ARG2: variants seen among roughly 807,000 people sequenced by gnomAD.
ARG2 encodes arginase-2, mitochondrial.
A neutral mutation model predicts 39.4 loss-of-function variants in ARG2; 21 were observed. That is an observed-to-expected ratio of 0.53 (90% CI 0.38 to 0.77). The LOEUF is 0.77. ARG2 is among the 30% of genes least tolerant of loss of function. The pLI is 0.00. For synonymous variants in ARG2, 150 were observed against 156.7 expected, an observed-to-expected ratio of 0.96 and a Z score of 0.32; for missense variants, 378 against 426.2, an observed-to-expected ratio of 0.89 and a Z score of 1.00.
intron 2 of ARG2, among the ~76,000 whole-genome samples, chr14:67,626,775 T>C (rs2036870985): frequency 6.6e-6 from 1 of 152,254 alleles, no homozygotes; most frequent in Non-Finnish European, 1.5e-5. Flanking sequence ...CAAACTTATA[T>C]ACAAATATTC....
Position 67,651,622 on chromosome 14 carries a change from A to G in ARG2, c.*702A>G. On this transcript the variant is annotated 3_prime_UTR_variant, in exon 8 of 8. Transcript: ENST00000261783. Reference sequence around the variant, plus strand: ...CACAGCCACTTAGCAGGAAGTACTCATAAGGTTCTTTAGCTGTCACTTAGG... The same window carrying G: ...CACAGCCACTTAGCAGGAAGTACTCGTAAGGTTCTTTAGCTGTCACTTAGG... The G allele has an allele frequency of 1.1e-6, 1 of 885,948 alleles. No homozygotes were observed. The highest frequency in any genetic ancestry group is 1.7e-6 in the Non-Finnish European group (1 of 600,830). The allele number at this position is 885,948 out of a possible 1,614,324, so 54.9% of individuals were successfully genotyped here. A position where few individuals can be genotyped will look rare whatever the true frequency, so the allele number is the denominator to read the frequency against.
At position 67,619,955 on chromosome 14, in the gene ARG2, G is replaced by C; in HGVS notation, c.-23G>C. Reference sequence around the variant, plus strand: ...TCCAACCGCGCGGAGCCTCTGCCTTGGAGATTCTCAGTGCTGCGGATCATG... The same window carrying C: ...TCCAACCGCGCGGAGCCTCTGCCTTCGAGATTCTCAGTGCTGCGGATCATG... On this transcript the variant is annotated 5_prime_UTR_variant, in exon 1 of 8. Transcript: ENST00000261783. The C allele has an allele frequency of 6.5e-7, 1 of 1,527,342 alleles. No homozygotes were observed. The allele number at this position is 1,527,342 out of a possible 1,614,324, so 94.6% of individuals were successfully genotyped here.
intron 2 of ARG2, among the ~76,000 whole-genome samples, chr14:67,631,901 G>T (rs113705898): frequency 0.016 from 2,403 of 152,186 alleles, 72 homozygotes; most frequent in African/African-American, 0.054. Context: ...TTGAGACAGG[G>T]TCTTGCTCTG....
intron 6 of ARG2, 70 bp from the exon 7 acceptor site, chr14:67,647,974 TAAG>T: frequency 7.0e-7 from 1 of 1,422,064 alleles, no homozygotes; most frequent in Non-Finnish European, 9.6e-7. Context: ...GTTGCAACCA[TAAG>T]AAGGATGAGT....
chr14:67,624,299 A>G (rs1594821570), intron 2 of ARG2, among the ~76,000 whole-genome samples: 2 of 152,328 alleles, frequency 1.3e-5, no homozygotes, highest in East Asian at 3.9e-4. Context: ...AATACTGTAT[A>G]GTGACACCAT....
chr14:67,648,818 C>T (rs1488758483), intron 7 of ARG2: 1 of 152,194 alleles, frequency 6.6e-6, no homozygotes, highest in Non-Finnish European at 1.5e-5. Flanking sequence ...TTTAAAGCTA[C>T]TTCAAATGAC....
intron 7 of ARG2, chr14:67,648,440 GAATA>G (rs1408904208): frequency 3.2e-6 from 1 of 312,580 alleles, no homozygotes; most frequent in African/African-American, 2.1e-5. Flanking sequence ...TTAAATACAA[GAATA>G]AATTGTCAAA....
At chr14:67,620,791 T>C in intron 1 of ARG2, 103 bp from the exon 2 acceptor site, 1 of 1,083,630 alleles carries the variant, frequency 9.2e-7, no homozygotes, top group South Asian at 1.3e-5. Flanking sequence ...GGGCTGATGC[T>C]GTCACAGGTT....
chr14:67,647,867 A>G (rs1318080677), intron 6 of ARG2, 180 bp from the exon 7 acceptor site: 6 of 634,912 alleles, frequency 9.5e-6, no homozygotes, highest in African/African-American at 1.8e-5. Context: ...GGAAGTTAAT[A>G]TTGCCAATCT....
intron 2 of ARG2, 29 bp downstream of exon 2, chr14:67,620,995 G>A: frequency 6.2e-7 from 1 of 1,602,612 alleles, no homozygotes; most frequent in African/African-American, 1.3e-5. Flanking sequence ...AGATATTAGT[G>A]CAGGACTAGT....
Position 67,645,653 on chromosome 14 carries a change from G to A in ARG2, c.373G>A (p.Gly125Ser), listed in dbSNP as rs144227690. ...ACTTGTTCTTTGCAGCCTGGCAATC[G>A]GTACCATTAGTGGCCATGCCCGACA... ...TLGGDHSLAI[G>S]TISGHARHCP... is the part of the protein sequence containing the mutation. Residue 125 changes from glycine to serine, a missense_variant, in exon 4 of 8, where the codon GGT (glycine) becomes AGT (serine). Coordinates refer to ENST00000261783, the MANE Select transcript of ARG2 (RefSeq NM_001172.4). 12 of 1,612,552 alleles carry A rather than the reference G, an allele frequency of 7.4e-6. No individual in the cohort carries two copies. The highest frequency in any genetic ancestry group is 3.3e-5 in the South Asian group (3 of 90,780).
intron 1 of ARG2, 74 bp from the exon 2 acceptor site, chr14:67,620,820 G>T (rs2140700911): frequency 6.7e-7 from 1 of 1,483,896 alleles, no homozygotes; most frequent in South Asian, 1.1e-5. Context: ...AACCTGCTGG[G>T]AACTAAATGT....
intron 2 of ARG2, among the ~76,000 whole-genome samples, chr14:67,637,738 CAT>C (rs1247920549): frequency 1.3e-5 from 2 of 152,196 alleles, no homozygotes; most frequent in African/African-American, 2.4e-5. Flanking sequence ...AATAGTTTAA[CAT>C]AAATTTGTAA....
chr14:67,647,972 C>A, intron 6 of ARG2, 75 bp from the exon 7 acceptor site: 1 of 1,406,184 alleles, frequency 7.1e-7, no homozygotes, highest in Non-Finnish European at 9.7e-7. Context: ...GAGTTGCAAC[C>A]ATAAGAAGGA....
At chr14:67,621,012 C>A (rs2036804684) in intron 2 of ARG2, 46 bp downstream of exon 2, 2 of 1,563,982 alleles carry the variant, frequency 1.3e-6, no homozygotes, top group Admixed American at 1.7e-5. Context: ...TAGTAATAGA[C>A]CACTTCAGAG....
chr14:67,620,956 C>G lies in ARG2; in HGVS notation c.174C>G (p.Leu58=). 1 of 1,614,096 alleles carries G rather than the reference C, an allele frequency of 6.2e-7. No individual in the cohort carries two copies. The highest frequency in any genetic ancestry group is 8.5e-7 in the Non-Finnish European group (1 of 1,179,982). The change falls in exon 2 of 8, where the codon CTC becomes CTG. Residue 58 remains leucine (L), a synonymous_variant. Transcript: ENST00000261783. ...AIREAGLMKR[L]SSLGCHLKDF... The stretch of plus-strand genomic sequence containing the variant: ...GAGAAGCTGGCTTGATGAAAAGGCT[C>G]TCCAGTTTGGGTAAGTGGTTAGATT...
At position 67,651,139 on chromosome 14, in the gene ARG2, A is replaced by G; in HGVS notation, c.*219A>G. The G allele has an allele frequency of 1.1e-6, 1 of 912,126 alleles. No individual in the cohort carries two copies. The highest frequency in any genetic ancestry group is 2.7e-5 in the East Asian group (1 of 37,672). 56.5% of individuals were successfully genotyped at this position (912,126 alleles called of 1,614,324 possible). ...TCACAGGGTATTAATATGCTACAGT[A>G]CTATGTAAATTTAAAGAAGTCATAA... On this transcript the variant is annotated 3_prime_UTR_variant, in exon 8 of 8. Coordinates refer to ENST00000261783, the MANE Select transcript of ARG2 (RefSeq NM_001172.4).
intron 1 of ARG2, 142 bp from the exon 2 acceptor site, chr14:67,620,752 T>C (rs1302216011): frequency 1.3e-6 from 1 of 741,736 alleles, no homozygotes; most frequent in Non-Finnish European, 2.3e-6. Context: ...ATTCCAACAA[T>C]GGAGTTGGAA....
chr14:67,625,685 A>G (rs2140715276), intron 2 of ARG2, among the ~76,000 whole-genome samples: 2 of 149,070 alleles, frequency 1.3e-5, no homozygotes, highest in Admixed American at 1.3e-4. Context: ...CATCTCAAAA[A>G]AAAAAAAAAA....
Sources: gnomAD v4.1 joint callset for allele counts (sites outside exome capture counted in the v4.1 genomes callset) on GRCh38, gnomAD v4.1.1 for gene constraint, MANE v1.5 for transcripts, NCBI Gene and HGNC (gene_info 2026-07-23, HGNC 2026-07-21) for gene names.